The following RBFOX1 variants were observed in gnomAD, a reference collection of about 807,000 sequenced individuals.
RBFOX1 encodes RNA binding protein fox-1 homolog 1.
Under a neutral mutation model 57.7 loss-of-function variants are expected in RBFOX1, and 8 were observed. That is an observed-to-expected ratio of 0.14 (90% confidence interval 0.08 to 0.25). The LOEUF is 0.25. RBFOX1 is among the 10% of genes least tolerant of loss of function. RBFOX1 has a pLI of 1.00. For missense variants in RBFOX1, 611 were observed against 548.5 expected (o/e 1.11, Z -1.14); for synonymous variants, 326 against 222.4 (o/e 1.47, Z -4.15).
At chr16:7,354,272 G>C (rs1413432793) in intron 4 of RBFOX1, among the ~76,000 whole-genome samples, 1 of 152,046 alleles carries the variant, frequency 6.6e-6, no homozygotes, top group Non-Finnish European at 1.5e-5. Context: ...TGCTTGGCCC[G>C]AATTGTATAT....
At chr16:7,472,919 A>G (rs1306828190) in intron 4 of RBFOX1, among the ~76,000 whole-genome samples, 3 of 152,170 alleles carry the variant, frequency 2.0e-5, no homozygotes, top group Non-Finnish European at 4.4e-5. Flanking sequence ...TATTAATATC[A>G]CAGGTTTAGA....
chr16:7,303,802 C>G (rs2096094035), intron 4 of RBFOX1, among the ~76,000 whole-genome samples: 1 of 150,910 alleles, frequency 6.6e-6, no homozygotes, highest in Non-Finnish European at 1.5e-5. Context: ...CTCCCTCTCT[C>G]TTCCTCTCTC....
intron 4 of RBFOX1, among the ~76,000 whole-genome samples, chr16:5,928,966 G>T (rs184901655): frequency 5.0e-4 from 76 of 151,468 alleles, no homozygotes; most frequent in African/African-American, 1.8e-3. Context: ...AAAAGGAGGG[G>T]TTGCAGATCC....
At chr16:6,906,161 A>G (rs77848671) in intron 3 of RBFOX1, among the ~76,000 whole-genome samples, 7,260 of 152,236 alleles carry the variant, frequency 0.048, 299 homozygotes, top group South Asian at 0.13. Flanking sequence ...GATGTATTCA[A>G]TAGCGCATTA....
intron 4 of RBFOX1, among the ~76,000 whole-genome samples, chr16:7,409,890 C>T (rs916913396): frequency 2.6e-5 from 4 of 152,070 alleles, no homozygotes; most frequent in Admixed American, 2.6e-4. Context: ...AAATGGAGTT[C>T]CGGCAATGTC....
intron 1 of RBFOX1, among the ~76,000 whole-genome samples, chr16:6,102,370 C>A (rs1567459367): frequency 6.6e-6 from 1 of 152,164 alleles, no homozygotes; most frequent in Non-Finnish European, 1.5e-5. Flanking sequence ...ACTGTATAAA[C>A]CCAGTTTTTA....
At chr16:6,734,107 G>C (rs192109166) in intron 3 of RBFOX1, among the ~76,000 whole-genome samples, 1 of 152,268 alleles carries the variant, frequency 6.6e-6, no homozygotes, top group East Asian at 1.9e-4. Context: ...CTTATTACCA[G>C]AATTGCACAG....
intron 3 of RBFOX1, among the ~76,000 whole-genome samples, chr16:6,842,914 A>G (rs1407826588): frequency 2.6e-5 from 4 of 152,066 alleles, no homozygotes; most frequent in Non-Finnish European, 5.9e-5. Flanking sequence ...GAGTGAGAAC[A>G]TGCAGTGTTT....
chr16:6,735,688 G>T (rs1051070629), intron 3 of RBFOX1, among the ~76,000 whole-genome samples: 2 of 152,122 alleles, frequency 1.3e-5, no homozygotes, highest in African/African-American at 2.4e-5. Context: ...GATCCCTAGG[G>T]TTGCATTTCC....
At chr16:6,160,831 G>C (rs117860441) in intron 1 of RBFOX1, among the ~76,000 whole-genome samples, 2,951 of 152,248 alleles carry the variant, frequency 0.019, 52 homozygotes, top group South Asian at 0.027. Flanking sequence ...GATCAGCTCT[G>C]TTGTCCCATG....
In RBFOX1 at chr16:6,134,025, C is replaced by T. The variant is rs560995613; in HGVS notation, c.-127+114033C>T. On this transcript the variant is annotated intron_variant, in intron 1 of 15. Coordinates refer to ENST00000550418, the MANE Select transcript of RBFOX1 (RefSeq NM_018723.4). ...AGTCTCGGTTCAGTGCAACCTCTGC[C>T]TCCTGGGTTCAAGTGATTCTCCTGC... is the stretch of plus-strand genomic sequence containing the variant. Among the ~76,000 whole-genome samples, 32 of 152,082 alleles carry T rather than the reference C, an allele frequency of 2.1e-4. No homozygotes were observed. The South Asian group carries it at 5.8e-3, about 28-fold the overall frequency.
intron 3 of RBFOX1, among the ~76,000 whole-genome samples, chr16:5,790,865 T>C (rs1486977494): frequency 7.6e-6 from 1 of 130,922 alleles, no homozygotes; most frequent in Non-Finnish European, 1.6e-5. Context: ...CTTTATTTTT[T>C]TTTTTTTTGT....
At chr16:6,493,377 T>C (rs1045489238) in intron 2 of RBFOX1, among the ~76,000 whole-genome samples, 5 of 152,200 alleles carry the variant, frequency 3.3e-5, no homozygotes, top group Non-Finnish European at 5.9e-5. Context: ...AATTTCCCTG[T>C]TGCTGTACAC....
At chr16:6,958,274 G>T (rs948327144) in intron 3 of RBFOX1, among the ~76,000 whole-genome samples, 1 of 152,184 alleles carries the variant, frequency 6.6e-6, no homozygotes. Flanking sequence ...GCAATGCTTT[G>T]CTTTATGAGG....
intron 10 of RBFOX1, among the ~76,000 whole-genome samples, chr16:7,609,652 C>T (rs2057037968): frequency 6.6e-6 from 1 of 152,128 alleles, no homozygotes; most frequent in Non-Finnish European, 1.5e-5. Flanking sequence ...ATTTAATGCT[C>T]ATGGCGATTT....
intron 2 of RBFOX1, among the ~76,000 whole-genome samples, chr16:6,639,571 C>G (rs913636681): frequency 3.3e-5 from 5 of 152,126 alleles, no homozygotes; most frequent in African/African-American, 1.2e-4. Context: ...AATAAATACA[C>G]ATAATTTAAA....
At chr16:7,159,972 G>A (rs1027358567) in intron 4 of RBFOX1, among the ~76,000 whole-genome samples, 1 of 152,074 alleles carries the variant, frequency 6.6e-6, no homozygotes, top group Non-Finnish European at 1.5e-5. Context: ...TCCTTGAGGG[G>A]GGAGTTGTCA....
rs143475257 is a variant in RBFOX1, at chr16:7,201,019, G to C, written c.27+148921G>C. 3.3e-3 allele frequency among the ~76,000 whole-genome samples: 508 copies of C among 152,262 alleles called. 2 individuals are homozygous for C. The highest frequency in any genetic ancestry group is 0.012 in the African/African-American group (484 of 41,542). ...ATTTTGTTTAAGCCACCATTATTTG[G>C]GGACTCTCTAAATAGCAACCAAATT... On this transcript the variant is annotated intron_variant, in intron 4 of 15. Transcript: ENST00000550418.
intron 2 of RBFOX1, among the ~76,000 whole-genome samples, chr16:6,613,310 T>C (rs553785193): frequency 5.9e-5 from 9 of 152,116 alleles, no homozygotes; most frequent in African/African-American, 1.9e-4. Context: ...TTGGGAAGGA[T>C]GGAGAGCAAT....
Sources: allele counts gnomAD v4.1 joint callset (sites outside exome capture counted in the v4.1 genomes callset), GRCh38; gene constraint gnomAD v4.1.1; transcripts MANE v1.5; gene names NCBI Gene and HGNC (gene_info 2026-07-23, HGNC 2026-07-21).